The following SMCO4 variants were observed in gnomAD, a reference collection of about 807,000 sequenced individuals.
The protein encoded by SMCO4 is single-pass membrane protein with coiled-coil domains 4, also known as single-pass membrane and coiled-coil domain-containing protein 4.
Under a neutral mutation model 3.6 loss-of-function variants are expected in SMCO4, and 4 were observed. The observed-to-expected ratio is 1.11, with a 90% CI of 0.54 to 2.53. The LOEUF (loss-of-function observed/expected upper bound fraction) is 2.53. Ranked by LOEUF, SMCO4 falls within the 30% of genes most tolerant of loss-of-function variation. The pLI is 0.02. For missense variants in SMCO4, 70 were observed against 80.8 expected (o/e 0.87, Z 0.51); for synonymous variants, 36 against 35.3 (o/e 1.02, Z -0.07).
chr11:93,539,844 G>A lies in SMCO4; in HGVS notation c.-154+3432C>T, dbSNP rs146751713. Reference sequence around the variant, plus strand: ...CCCCCACACCAAACTAGCTTTGACCGTCAGCCAGCCCACTCCTCTCTCTAG... The same window carrying A: ...CCCCCACACCAAACTAGCTTTGACCATCAGCCAGCCCACTCCTCTCTCTAG... On this transcript the variant is annotated intron_variant, in intron 1 of 2. Coordinates refer to ENST00000298966, the MANE Select transcript of SMCO4 (RefSeq NM_020179.3). 3.9e-3 allele frequency among the ~76,000 whole-genome samples: 596 copies of A among 151,934 alleles called. 7 individuals are homozygous for A. Among genetic ancestry groups the A allele is most frequent in the African/African-American group, 0.014 (569 of 41,404 alleles).
chr11:93,491,480 T>C (rs1421650085), intron 2 of SMCO4, among the ~76,000 whole-genome samples: 1 of 152,108 alleles, frequency 6.6e-6, no homozygotes, highest in Non-Finnish European at 1.5e-5. Context: ...ATCCCTGACA[T>C]CCCCGTGCTG....
intron 1 of SMCO4, among the ~76,000 whole-genome samples, chr11:93,504,463 C>T (rs1029264369): frequency 1.3e-5 from 2 of 152,216 alleles, no homozygotes; most frequent in African/African-American, 4.8e-5. Flanking sequence ...TGTGCATTCC[C>T]AGAGCTCATC....
At chr11:93,520,311 G>A (rs75597120) in intron 1 of SMCO4, among the ~76,000 whole-genome samples, 5,337 of 152,214 alleles carry the variant, frequency 0.035, 243 homozygotes, top group East Asian at 0.14. Context: ...TAATGATGAC[G>A]GTAACAACTC....
chr11:93,482,688 G>A (rs937380233), intron 2 of SMCO4, among the ~76,000 whole-genome samples: 2 of 152,196 alleles, frequency 1.3e-5, no homozygotes, highest in African/African-American at 4.8e-5. Context: ...GAACATAAGC[G>A]AACGCACTGC....
intron 2 of SMCO4, among the ~76,000 whole-genome samples, chr11:93,494,469 C>T (rs766450520): frequency 2.6e-5 from 4 of 152,180 alleles, no homozygotes; most frequent in African/African-American, 4.8e-5. Context: ...CAAGACCTCA[C>T]TGACGTTGCA....
At chr11:93,486,131 C>T (rs970901735) in intron 2 of SMCO4, among the ~76,000 whole-genome samples, 6 of 152,206 alleles carry the variant, frequency 3.9e-5, no homozygotes, top group Admixed American at 1.3e-4. Context: ...ACCTATCAAG[C>T]GACTGCACTA....
At chr11:93,547,170 A>T (rs1386067700), upstream of SMCO4, among the ~76,000 whole-genome samples, 1 of 152,204 alleles carries the variant, frequency 6.6e-6, no homozygotes, top group East Asian at 1.9e-4. Flanking sequence ...CACCTTGTTG[A>T]GGCTCAACCA....
intron 2 of SMCO4, among the ~76,000 whole-genome samples, chr11:93,489,563 C>T (rs549650880): frequency 2.6e-5 from 4 of 152,164 alleles, no homozygotes; most frequent in East Asian, 1.9e-4. Context: ...GCACCAACCG[C>T]GCAGGTGTAG....
chr11:93,553,583 C>T, the SMCO4 span, among the ~76,000 whole-genome samples: 1 of 152,176 alleles, frequency 6.6e-6, no homozygotes, highest in Non-Finnish European at 1.5e-5. Flanking sequence ...ATAATTTACA[C>T]CTTTCACTGC....
At chr11:93,500,786 C>T (rs1591311452) in intron 1 of SMCO4, among the ~76,000 whole-genome samples, 1 of 152,288 alleles carries the variant, frequency 6.6e-6, no homozygotes, top group South Asian at 2.1e-4. Flanking sequence ...AAGCAGTCAG[C>T]TGGAAATTAA....
At chr11:93,488,375 G>A (rs962478034) in intron 2 of SMCO4, among the ~76,000 whole-genome samples, 3 of 152,216 alleles carry the variant, frequency 2.0e-5, no homozygotes, top group African/African-American at 7.2e-5. Flanking sequence ...ACTCTGTGTG[G>A]ACAACTGACT....
intron 1 of SMCO4, among the ~76,000 whole-genome samples, chr11:93,523,653 C>T (rs1345707769): frequency 3.9e-5 from 6 of 152,098 alleles, no homozygotes; most frequent in South Asian, 2.1e-4. Context: ...AGCAAGACCC[C>T]GCAAGAAATG....
the SMCO4 span, among the ~76,000 whole-genome samples, chr11:93,550,048 G>T: frequency 6.6e-6 from 1 of 152,088 alleles, no homozygotes; most frequent in African/African-American, 2.4e-5. Context: ...CTACTGAAAA[G>T]TTCAACCCAA....
chr11:93,549,363 G>A, the SMCO4 span, among the ~76,000 whole-genome samples: 4 of 152,238 alleles, frequency 2.6e-5, no homozygotes, highest in African/African-American at 9.6e-5. Context: ...TAGTTCAGGT[G>A]CTTGATTGGT....
intron 2 of SMCO4, among the ~76,000 whole-genome samples, chr11:93,489,503 G>A (rs1948689613): frequency 6.6e-6 from 1 of 152,136 alleles, no homozygotes; most frequent in South Asian, 2.1e-4. Context: ...ACCAGCTTGG[G>A]GCCCACTGCA....
intron 1 of SMCO4, among the ~76,000 whole-genome samples, chr11:93,542,570 A>G (rs1949279620): frequency 6.6e-6 from 1 of 152,158 alleles, no homozygotes; most frequent in African/African-American, 2.4e-5. Context: ...CGGCCCCAGC[A>G]GCAGAGGAAG....
intron 2 of SMCO4, among the ~76,000 whole-genome samples, chr11:93,493,145 G>A (rs1310996975): frequency 6.6e-6 from 1 of 152,140 alleles, no homozygotes; most frequent in Non-Finnish European, 1.5e-5. Flanking sequence ...AATGGTTTCG[G>A]CAATGGCACA....
At chr11:93,491,706 A>G (rs1238405964) in intron 2 of SMCO4, among the ~76,000 whole-genome samples, 3 of 152,202 alleles carry the variant, frequency 2.0e-5, no homozygotes, top group Admixed American at 2.0e-4. Flanking sequence ...TATTTCTCCC[A>G]AATCTTTGGG....
intron 1 of SMCO4, among the ~76,000 whole-genome samples, chr11:93,518,882 G>A (rs1333442569): frequency 2.0e-5 from 3 of 152,160 alleles, no homozygotes; most frequent in South Asian, 2.1e-4. Context: ...TAACAGGGGC[G>A]GCCTTCTGTG....
Sources: allele counts gnomAD v4.1 joint callset (sites outside exome capture counted in the v4.1 genomes callset), GRCh38; gene constraint gnomAD v4.1.1; transcripts MANE v1.5; gene names NCBI Gene and HGNC (gene_info 2026-07-23, HGNC 2026-07-21).